PDE3A: variants seen among roughly 807,000 people sequenced by gnomAD.
PDE3A encodes the protein phosphodiesterase 3A, also known as cGMP-inhibited 3',5'-cyclic phosphodiesterase 3A.
In PDE3A, 43 loss-of-function variants were observed where a neutral mutation model predicts 98.3. That is an observed-to-expected ratio of 0.44 (90% CI 0.34 to 0.56). The LOEUF (loss-of-function observed/expected upper bound fraction) is 0.56, where lower values mean the gene tolerates loss of function less well. Ranked by LOEUF, PDE3A falls within the 20% of genes least tolerant of loss-of-function variation. The pLI is 0.01. For missense variants in PDE3A, 1,427 were observed against 1,440.7 expected, an observed-to-expected ratio of 0.99 and a Z score of 0.15; for synonymous variants, 663 against 567.9, an observed-to-expected ratio of 1.17 and a Z score of -2.38.
chr12:20,623,737 TATGATGGATATATTCTAGAAAGAATA>T (rs1944190497), intron 5 of PDE3A, among the ~76,000 whole-genome samples: 2 of 145,732 alleles, frequency 1.4e-5, no homozygotes, highest in Non-Finnish European at 3.0e-5. Flanking sequence ...AGAAAGAATA[TATGATGGATATATTCTAGAAAGAATA>T]TATGATGGAT....
Position 20,682,670 on chromosome 12 carries a change from T to G in PDE3A, c.*2399T>G, listed in dbSNP as rs533111083. On this transcript the variant is annotated 3_prime_UTR_variant, in exon 16 of 16. Transcript: ENST00000359062. The stretch of plus-strand genomic sequence containing the variant: ...GTATCTCCATGTTTGCAAAAATTAC[T>G]ATAAGTCAAATTTTGCCAGTGAATT... The G allele has an allele frequency of 6.6e-6, 1 of 152,366 alleles. No homozygotes were observed. Among genetic ancestry groups the G allele is most frequent in the Non-Finnish European group, 1.5e-5 (1 of 68,038 alleles). 9.4% of individuals were successfully genotyped at this position (152,366 alleles called of 1,614,324 possible). A position where few individuals can be genotyped will look rare whatever the true frequency, so the allele number is the denominator to read the frequency against.
At chr12:20,450,591 A>ATGGACAAT (rs1945046578) in intron 1 of PDE3A, among the ~76,000 whole-genome samples, 1 of 152,238 alleles carries the variant, frequency 6.6e-6, no homozygotes, top group Non-Finnish European at 1.5e-5. Context: ...GATGCCTAAA[A>ATGGACAAT]TGGACAATGC....
intron 1 of PDE3A, among the ~76,000 whole-genome samples, chr12:20,445,955 C>T (rs1055560279): frequency 3.3e-5 from 5 of 152,184 alleles, no homozygotes; most frequent in African/African-American, 1.2e-4. Context: ...CTTCCTTTCA[C>T]CTCAGAGCCG....
At chr12:20,635,441 G>T (rs543069374) in intron 8 of PDE3A, among the ~76,000 whole-genome samples, 8 of 152,172 alleles carry the variant, frequency 5.3e-5, no homozygotes, top group African/African-American at 1.4e-4. Context: ...AGCCGGGCGT[G>T]GTGGCACGCA....
chr12:20,640,420 A>G (rs1944619770), intron 10 of PDE3A, among the ~76,000 whole-genome samples: 1 of 152,142 alleles, frequency 6.6e-6, no homozygotes, highest in Non-Finnish European at 1.5e-5. Context: ...TGAAGAGTTA[A>G]GTCACTATAT....
rs138717552 is a variant in PDE3A, at chr12:20,381,287, A to T, written c.960+11043A>T. ...ACCGATTAAGTAAGTTATCTAAAAAATAAAGTGGCATTCAGATATGAAAAC... is the reference window on the plus strand; with the variant it reads ...ACCGATTAAGTAAGTTATCTAAAAATTAAAGTGGCATTCAGATATGAAAAC... On this transcript the variant is annotated intron_variant, in intron 1 of 15. Transcript: ENST00000359062. Among the ~76,000 whole-genome samples the T allele has an allele frequency of 5.5e-4, 84 of 151,998 alleles. No homozygotes were observed. In the East Asian group the frequency reaches 0.015, roughly 26 times the overall value.
chr12:20,632,643 C>G (rs1162336715), intron 6 of PDE3A, among the ~76,000 whole-genome samples: 4 of 151,904 alleles, frequency 2.6e-5, no homozygotes, highest in African/African-American at 4.8e-5. Flanking sequence ...CCAACACCCT[C>G]TGTTAGAGGG....
intron 1 of PDE3A, among the ~76,000 whole-genome samples, chr12:20,426,369 GA>G (rs1366297283): frequency 1.3e-5 from 2 of 151,874 alleles, no homozygotes; most frequent in Non-Finnish European, 2.9e-5. Context: ...GCTTAAAAGA[GA>G]AAAAAAGAAT....
chr12:20,634,157 C>A (rs985250306), intron 7 of PDE3A, among the ~76,000 whole-genome samples: 2 of 152,042 alleles, frequency 1.3e-5, no homozygotes, highest in Non-Finnish European at 2.9e-5. Flanking sequence ...ACACAAGAGG[C>A]CATTTTATAT....
rs1472751141 is a variant in PDE3A, at chr12:20,368,764, G to A, written c.-521G>A. Among the ~76,000 whole-genome samples the A allele has an allele frequency of 2.0e-5, 3 of 152,024 alleles. No homozygotes were observed. The highest frequency in any genetic ancestry group is 2.0e-4 in the Admixed American group (3 of 15,286). On this transcript the variant is annotated 5_prime_UTR_variant, in exon 1 of 16. Transcript: ENST00000359062. ...ATAGAAAAAGAGCTGCAGGAAGGAG[G>A]AGAAGGGAGACCTCCATCTGCCGCG...
chr12:20,648,933 T>C (rs777281865), intron 13 of PDE3A, 42 bp downstream of exon 13: 1 of 1,290,856 alleles, frequency 7.7e-7, no homozygotes, highest in Non-Finnish European at 1.1e-6. Context: ...TTTTCTTTTT[T>C]TTTTTTTTTT....
At position 20,552,087 on chromosome 12, in the gene PDE3A, T is replaced by C; in HGVS notation, c.961-4573T>C. The C allele has an allele frequency of 6.2e-7, 1 of 1,612,736 alleles. No individual in the cohort carries two copies. Among genetic ancestry groups the C allele is most frequent in the Non-Finnish European group, 8.5e-7 (1 of 1,179,878 alleles). ...ACACGGGTAGTGGTGGTCGAGAGCT[T>C]TCCGGCAACAAGAGGACCGCGGAAC... On this transcript the variant is annotated intron_variant, in intron 1 of 15. Transcript: ENST00000359062. This position sits in a 1 kb window ranked among gnomAD's most constrained non-coding sequence, Gnocchi z 5.1.
At chr12:20,389,874 C>T (rs903741888) in intron 1 of PDE3A, among the ~76,000 whole-genome samples, 16 of 151,608 alleles carry the variant, frequency 1.1e-4, no homozygotes, top group African/African-American at 2.9e-4. Flanking sequence ...TACATTCTCA[C>T]GTGTTTATGT....
At chr12:20,495,905 A>T (rs1315096413) in intron 1 of PDE3A, among the ~76,000 whole-genome samples, 2 of 152,328 alleles carry the variant, frequency 1.3e-5, no homozygotes, top group East Asian at 1.9e-4. Flanking sequence ...TTAACTGTTC[A>T]TCAAAAAGAG....
intron 1 of PDE3A, among the ~76,000 whole-genome samples, chr12:20,439,089 C>T (rs557940522): frequency 2.9e-4 from 44 of 152,180 alleles, no homozygotes; most frequent in African/African-American, 1.0e-3. Flanking sequence ...GTCACTGTGC[C>T]TGACCAATAT....
At chr12:20,370,290 C>CT in intron 1 of PDE3A, 46 bp downstream of exon 1, 1 of 1,476,588 alleles carries the variant, frequency 6.8e-7, no homozygotes, top group Non-Finnish European at 9.0e-7. Flanking sequence ...ACTTGAAACA[C>CT]TTGGCAACCG....
chr12:20,409,536 T>C (rs1431539747), intron 1 of PDE3A, among the ~76,000 whole-genome samples: 7 of 152,192 alleles, frequency 4.6e-5, no homozygotes, highest in African/African-American at 1.7e-4. Context: ...TGGAAGAAAG[T>C]AGTTGTCTTT....
intron 1 of PDE3A, among the ~76,000 whole-genome samples, chr12:20,505,196 T>A (rs1326537954): frequency 6.6e-6 from 1 of 152,138 alleles, no homozygotes; most frequent in Admixed American, 6.6e-5. Context: ...GAGATCCTGG[T>A]ACAGTAAATT....
Position 20,369,539 on chromosome 12 carries a change from C to A in PDE3A, c.255C>A (p.Val85=). ...TGGTGAGGCTGGTCCGCGGGGAGGT[C>A]GGCTGTGACCTGGAGCAGTGTAAGG... The part of the protein sequence containing the change: ...ALLVRLVRGE[V]GCDLEQCKEA... The change falls in exon 1 of 16, where the codon GTC becomes GTA. Residue 85 remains valine (V), a synonymous_variant. Coordinates refer to ENST00000359062, the MANE Select transcript of PDE3A (RefSeq NM_000921.5). The A allele has an allele frequency of 6.4e-7, 1 of 1,557,742 alleles. No homozygotes were observed. Among genetic ancestry groups the A allele is most frequent in the Non-Finnish European group, 8.7e-7 (1 of 1,151,068 alleles).
Sources: gnomAD v4.1 joint callset for allele counts (sites outside exome capture counted in the v4.1 genomes callset) on GRCh38, gnomAD v4.1.1 for gene constraint, Gnocchi (gnomAD v3.1) non-coding constraint, MANE v1.5 for transcripts, NCBI Gene and HGNC (gene_info 2026-07-23, HGNC 2026-07-21) for gene names.